ATP10B: variants seen among roughly 807,000 people sequenced by gnomAD.
The protein encoded by ATP10B is phospholipid-transporting ATPase VB.
In ATP10B, 122 loss-of-function variants were observed where a neutral mutation model predicts 141.2. That is an observed-to-expected ratio of 0.86 (90% CI 0.75 to 1.00). The LOEUF (loss-of-function observed/expected upper bound fraction) is 1.00, where lower values mean the gene tolerates loss of function less well. Ranked by LOEUF, ATP10B falls within the 50% of genes least tolerant of loss-of-function variation. The pLI, the probability that ATP10B is intolerant of heterozygous loss-of-function variation, is 0.00. For missense variants in ATP10B, 1,876 were observed against 1,825.3 expected (o/e 1.03, Z -0.51); for synonymous variants, 685 against 692.0 (o/e 0.99, Z 0.16).
chr5:160,698,657 T>C (rs1764510362), intron 3 of ATP10B, among the ~76,000 whole-genome samples: 1 of 151,482 alleles, frequency 6.6e-6, no homozygotes, highest in African/African-American at 2.4e-5. Flanking sequence ...TGATGCAGAG[T>C]CCCTGACATA....
intron 6 of ATP10B, among the ~76,000 whole-genome samples, chr5:160,672,225 T>C (rs967663302): frequency 2.0e-5 from 3 of 151,942 alleles, no homozygotes. Context: ...GATCCTCCTG[T>C]CTCGGCCTCC....
At chr5:160,675,632 C>T (rs1215752097) in intron 6 of ATP10B, among the ~76,000 whole-genome samples, 1 of 152,186 alleles carries the variant, frequency 6.6e-6, no homozygotes. Flanking sequence ...CCTGGCTGTC[C>T]TTCAGGAAGC....
At chr5:160,607,152 T>C in intron 18 of ATP10B, 66 bp from the exon 19 acceptor site, 1 of 1,372,224 alleles carries the variant, frequency 7.3e-7, no homozygotes, top group South Asian at 1.4e-5. Flanking sequence ...ACAATTTCAG[T>C]TTATTCTTTA....
chr5:160,823,205 A>G (rs1774314173), intron 1 of ATP10B, among the ~76,000 whole-genome samples: 1 of 151,816 alleles, frequency 6.6e-6, no homozygotes, highest in African/African-American at 2.4e-5. Context: ...AATACTATAC[A>G]GCCATAAAAA....
upstream of ATP10B, among the ~76,000 whole-genome samples, chr5:160,855,185 G>T (rs950542076): frequency 3.4e-4 from 52 of 152,012 alleles, no homozygotes; most frequent in African/African-American, 1.3e-3. Flanking sequence ...GTATTTGCAC[G>T]TTTAGTATTT....
At chr5:160,918,463 G>A in the ATP10B span, among the ~76,000 whole-genome samples, 9 of 152,212 alleles carry the variant, frequency 5.9e-5, no homozygotes, top group Non-Finnish European at 8.8e-5. Flanking sequence ...AGAGAACAGC[G>A]AGTATAAAAA....
chr5:160,676,699 A>G (rs531216461), intron 6 of ATP10B, among the ~76,000 whole-genome samples: 1 of 152,336 alleles, frequency 6.6e-6, no homozygotes, highest in South Asian at 2.1e-4. Context: ...CCATTTTAAC[A>G]TCTTTGTTAT....
the ATP10B span, among the ~76,000 whole-genome samples, chr5:160,898,108 C>T: frequency 1.3e-4 from 19 of 149,944 alleles, no homozygotes; most frequent in South Asian, 2.1e-4. Flanking sequence ...GCATTGGCAA[C>T]GAAACCAAAA....
intron 1 of ATP10B, among the ~76,000 whole-genome samples, chr5:160,830,094 A>T (rs1440217697): frequency 6.6e-6 from 1 of 151,870 alleles, no homozygotes; most frequent in Admixed American, 6.6e-5. Flanking sequence ...GATTTTATAG[A>T]TGGCTCTTGA....
chr5:160,886,723 A>G, the ATP10B span, among the ~76,000 whole-genome samples: 2 of 152,156 alleles, frequency 1.3e-5, no homozygotes, highest in African/African-American at 4.8e-5. Context: ...TGAATGCACA[A>G]TGCAAAAAGA....
intron 2 of ATP10B, among the ~76,000 whole-genome samples, chr5:160,759,182 T>C (rs1768851250): frequency 6.6e-6 from 1 of 152,228 alleles, no homozygotes; most frequent in African/African-American, 2.4e-5. Context: ...TTCTCTGAAT[T>C]TGCCTTATTA....
rs79786823 is a variant in ATP10B, at chr5:160,679,640, C to T, written c.470+6439G>A. Among the ~76,000 whole-genome samples, 930 of 152,340 alleles carry T rather than the reference C, an allele frequency of 6.1e-3. 12 individuals are homozygous for T. The highest frequency in any genetic ancestry group is 0.02 in the African/African-American group (847 of 41,574). ...ACATTGTAGCTATTTGTAAGTTCCT[C>T]GTGACCCCTAGACTGAGAGTCCTTT... On this transcript the variant is annotated intron_variant, in intron 6 of 25. Transcript: ENST00000327245.
intron 2 of ATP10B, among the ~76,000 whole-genome samples, chr5:160,741,035 T>G (rs1470771697): frequency 6.6e-6 from 1 of 152,208 alleles, no homozygotes; most frequent in Admixed American, 6.5e-5. Context: ...ACAAGAATAA[T>G]CTTTAATAAG....
chr5:160,899,637 T>C, the ATP10B span, among the ~76,000 whole-genome samples: 1 of 152,304 alleles, frequency 6.6e-6, no homozygotes, highest in Non-Finnish European at 1.5e-5. Context: ...TTCAGTGACA[T>C]GAGTAATACA....
At chr5:160,679,077 C>T (rs1763218554) in intron 6 of ATP10B, among the ~76,000 whole-genome samples, 1 of 152,220 alleles carries the variant, frequency 6.6e-6, no homozygotes, top group African/African-American at 2.4e-5. Flanking sequence ...TAAGTGGCTT[C>T]ATTTAGGTCA....
At position 160,617,068 on chromosome 5, in the gene ATP10B, T is replaced by G. The variant is rs145223963; in HGVS notation, c.2526+796A>C. 3.3e-3 allele frequency among the ~76,000 whole-genome samples: 508 copies of G among 152,294 alleles called. 2 individuals are homozygous for G. Among genetic ancestry groups the G allele is most frequent in the African/African-American group, 0.012 (482 of 41,578 alleles). On this transcript the variant is annotated intron_variant, in intron 16 of 25. Transcript: ENST00000327245. The stretch of plus-strand genomic sequence containing the variant: ...GTGGTTCTGGCTTTAAAGTGGGCAC[T>G]CCTGATCTCTAATGCTGACCTAAGA...
At chr5:160,779,243 T>C (rs1267990111) in intron 2 of ATP10B, among the ~76,000 whole-genome samples, 1 of 152,182 alleles carries the variant, frequency 6.6e-6, no homozygotes, top group Non-Finnish European at 1.5e-5. Flanking sequence ...GGAAAAGATT[T>C]AAATCAACCT....
intron 3 of ATP10B, 64 bp downstream of exon 3, chr5:160,716,845 T>A (rs1581406523): frequency 1.1e-5 from 10 of 940,094 alleles, no homozygotes; most frequent in Middle Eastern, 5.4e-4. Context: ...TGGAGCTACA[T>A]CCACCTCAGT....
chr5:160,683,050 A>ACC (rs1468020547), intron 6 of ATP10B, among the ~76,000 whole-genome samples: 1 of 150,814 alleles, frequency 6.6e-6, no homozygotes. Context: ...CAAAAAAAAA[A>ACC]AAAAAAAAAA....
Sources: gnomAD v4.1 joint callset for allele counts (sites outside exome capture counted in the v4.1 genomes callset) on GRCh38, gnomAD v4.1.1 for gene constraint, MANE v1.5 for transcripts, NCBI Gene and HGNC (gene_info 2026-07-23, HGNC 2026-07-21) for gene names.